The following GPC6 variants were observed in gnomAD, a reference collection of about 807,000 sequenced individuals.
GPC6 encodes glypican-6.
GPC6 carries 14 observed loss-of-function variants against 55.2 expected under a neutral mutation model. That is an observed-to-expected ratio of 0.25 (90% CI 0.17 to 0.40). The LOEUF is 0.40. GPC6 is among the 10% of genes least tolerant of loss of function. The pLI, the probability that GPC6 is intolerant of heterozygous loss-of-function variation, is 1.00. For synonymous variants in GPC6, 278 were observed against 259.6 expected (o/e 1.07, Z -0.68); for missense variants, 641 against 708.5 (o/e 0.90, Z 1.08).
chr13:93,431,582 G>C (rs894595208), intron 1 of GPC6, among the ~76,000 whole-genome samples: 1 of 151,992 alleles, frequency 6.6e-6, no homozygotes, highest in Non-Finnish European at 1.5e-5. Flanking sequence ...TTTTTAAAAA[G>C]CACTTACAAT....
At chr13:93,478,080 G>A (rs755915093) in intron 1 of GPC6, among the ~76,000 whole-genome samples, 3 of 152,072 alleles carry the variant, frequency 2.0e-5, no homozygotes, top group Non-Finnish European at 4.4e-5. Flanking sequence ...ACTATGAGAT[G>A]GCTATTGGGA....
intron 1 of GPC6, among the ~76,000 whole-genome samples, chr13:93,500,309 A>G (rs545566468): frequency 6.6e-6 from 1 of 152,282 alleles, no homozygotes; most frequent in South Asian, 2.1e-4. Context: ...CAAAACACTT[A>G]GAATTTTGAA....
intron 2 of GPC6, among the ~76,000 whole-genome samples, chr13:93,563,291 G>A (rs1342756993): frequency 6.6e-6 from 1 of 152,084 alleles, no homozygotes; most frequent in African/African-American, 2.4e-5. Flanking sequence ...ATGGTGGGAG[G>A]GATGGGGAGT....
At chr13:94,085,137 C>T (rs749518351) in intron 4 of GPC6, among the ~76,000 whole-genome samples, 50 of 151,778 alleles carry the variant, frequency 3.3e-4, no homozygotes, top group Middle Eastern at 3.4e-3. Flanking sequence ...GCCTGGCCAA[C>T]GTGGTGAAAC....
intron 1 of GPC6, among the ~76,000 whole-genome samples, chr13:93,332,268 T>C (rs1370821345): frequency 1.3e-5 from 2 of 151,682 alleles, no homozygotes; most frequent in Non-Finnish European, 2.9e-5. Context: ...TTTCTTTTTT[T>C]TTTTTTTTTG....
Position 93,551,091 on chromosome 13 carries a change from T to C in GPC6, c.319+5670T>C, listed in dbSNP as rs1325936183. 2.0e-5 allele frequency among the ~76,000 whole-genome samples: 3 copies of C among 152,170 alleles called. No homozygotes were observed. In the East Asian group the frequency reaches 5.8e-4, roughly 29 times the overall value. On this transcript the variant is annotated intron_variant, in intron 2 of 8. Coordinates refer to ENST00000377047, the MANE Select transcript of GPC6 (RefSeq NM_005708.5). ...CTTGCAGTTCAGTATTCAAAGAATG[T>C]CTTAAGATTATGATAATTAAAGAAG...
chr13:93,420,008 T>C (rs1239992640), intron 1 of GPC6, among the ~76,000 whole-genome samples: 2 of 151,864 alleles, frequency 1.3e-5, no homozygotes, highest in Non-Finnish European at 2.9e-5. Context: ...CATTGCATAA[T>C]ATCTAATAAT....
chr13:93,671,612 G>T (rs1566478902), intron 2 of GPC6, among the ~76,000 whole-genome samples: 1 of 134,984 alleles, frequency 7.4e-6, no homozygotes, highest in African/African-American at 2.5e-5. Flanking sequence ...GTTTTTTAGG[G>T]GTTTTTTTTG....
At chr13:93,734,815 A>C (rs1566509389) in intron 2 of GPC6, among the ~76,000 whole-genome samples, 1 of 152,200 alleles carries the variant, frequency 6.6e-6, no homozygotes, top group Non-Finnish European at 1.5e-5. Flanking sequence ...CAAACAACAA[A>C]AAAATACAGA....
chr13:93,991,593 T>C (rs913816983), intron 3 of GPC6, among the ~76,000 whole-genome samples: 6 of 152,196 alleles, frequency 3.9e-5, no homozygotes, highest in African/African-American at 1.4e-4. Context: ...CCATAAAGTA[T>C]TTTTATGCCA....
chr13:93,864,793 T>A (rs2139030406), intron 3 of GPC6, among the ~76,000 whole-genome samples: 1 of 151,834 alleles, frequency 6.6e-6, no homozygotes, highest in South Asian at 2.1e-4. Context: ...ATTTGGCCTC[T>A]ATGGGCTGAC....
At chr13:93,277,480 T>C (rs1379646150) in intron 1 of GPC6, among the ~76,000 whole-genome samples, 1 of 152,186 alleles carries the variant, frequency 6.6e-6, no homozygotes. Flanking sequence ...ATTAAAAGCT[T>C]ATAATAAATG....
chr13:93,394,654 A>G (rs1224441739), intron 1 of GPC6, among the ~76,000 whole-genome samples: 2 of 152,196 alleles, frequency 1.3e-5, no homozygotes, highest in African/African-American at 2.4e-5. Context: ...AAAAGGCTCA[A>G]GTGATGCAAA....
At chr13:94,336,702 A>C (rs1877723286) in intron 6 of GPC6, among the ~76,000 whole-genome samples, 1 of 152,192 alleles carries the variant, frequency 6.6e-6, no homozygotes, top group Non-Finnish European at 1.5e-5. Context: ...ACAACAACAA[A>C]AGAAAGGAAA....
intron 6 of GPC6, among the ~76,000 whole-genome samples, chr13:94,372,695 A>G (rs577303201): frequency 2.0e-5 from 3 of 152,302 alleles, no homozygotes; most frequent in African/African-American, 7.2e-5. Context: ...GGAAGCTCGA[A>G]CTGGGTGGAG....
intron 2 of GPC6, among the ~76,000 whole-genome samples, chr13:93,669,352 A>G (rs1222353147): frequency 6.6e-6 from 1 of 152,188 alleles, no homozygotes; most frequent in Non-Finnish European, 1.5e-5. Context: ...AGAAACGGGA[A>G]GTCCAAGTTA....
At chr13:93,937,402 A>G (rs961033995) in intron 3 of GPC6, among the ~76,000 whole-genome samples, 3 of 152,158 alleles carry the variant, frequency 2.0e-5, no homozygotes, top group Admixed American at 6.6e-5. Context: ...CAAATTAGTC[A>G]TATCATTAGA....
At chr13:93,465,311 A>T (rs554410439) in intron 1 of GPC6, among the ~76,000 whole-genome samples, 1 of 152,316 alleles carries the variant, frequency 6.6e-6, no homozygotes, top group South Asian at 2.1e-4. Context: ...TTAGCTATAA[A>T]AGTCCTACAT....
chr13:93,519,059 G>A (rs987041117), intron 1 of GPC6, among the ~76,000 whole-genome samples: 16 of 152,034 alleles, frequency 1.1e-4, no homozygotes, highest in African/African-American at 3.4e-4. Flanking sequence ...CTTATGTACC[G>A]CAAAGACTGA....
Sources: gnomAD v4.1 joint callset for allele counts (sites outside exome capture counted in the v4.1 genomes callset) on GRCh38, gnomAD v4.1.1 for gene constraint, MANE v1.5 for transcripts, NCBI Gene and HGNC (gene_info 2026-07-23, HGNC 2026-07-21) for gene names.